The following TXNDC16 variants were observed in gnomAD, a reference collection of about 807,000 sequenced individuals.
The protein encoded by TXNDC16 is thioredoxin domain containing 16, also known as thioredoxin domain-containing protein 16.
Under a neutral mutation model 85.6 loss-of-function variants are expected in TXNDC16, and 74 were observed. That is an observed-to-expected ratio of 0.86 (90% CI 0.72 to 1.05). The LOEUF (loss-of-function observed/expected upper bound fraction) is 1.05. Among genes scored for constraint, TXNDC16 ranks in the 50% least tolerant of loss-of-function variants. The pLI is 0.00. For synonymous variants in TXNDC16, 335 were observed against 326.5 expected (o/e 1.03, Z -0.28); for missense variants, 959 against 947.0 (o/e 1.01, Z -0.17).
chr14:52,449,133 C>A (rs2035349830), intron 18 of TXNDC16, among the ~76,000 whole-genome samples: 1 of 151,284 alleles, frequency 6.6e-6, no homozygotes, highest in African/African-American at 2.4e-5. Flanking sequence ...ACTCTCCAGT[C>A]AAAAGACACA....
chr14:52,434,634 G>A (rs2034985340), intron 20 of TXNDC16, among the ~76,000 whole-genome samples: 2 of 152,202 alleles, frequency 1.3e-5, no homozygotes, highest in Admixed American at 6.5e-5. Flanking sequence ...AGGTGAGGCA[G>A]ACACCAGTGG....
intron 6 of TXNDC16, among the ~76,000 whole-genome samples, chr14:52,529,675 A>ATT (rs2037438349): frequency 1.9e-5 from 2 of 106,758 alleles, no homozygotes; most frequent in African/African-American, 4.2e-5. Flanking sequence ...TATTATATAT[A>ATT]ATATATATAA....
At chr14:52,540,225 T>G (rs1332878236) in intron 4 of TXNDC16, among the ~76,000 whole-genome samples, 1 of 152,246 alleles carries the variant, frequency 6.6e-6, no homozygotes, top group Non-Finnish European at 1.5e-5. Context: ...TCATCCTGCC[T>G]CTTGCTATCT....
chr14:52,447,332 G>A lies in TXNDC16; in HGVS notation c.1843-6608C>T, dbSNP rs139097934. ...GGGTGAGGCTCCTCTATCTGGTCCT[G>A]GAGGAATTCACCATCCTAAAGGGAA... On this transcript the variant is annotated intron_variant, in intron 18 of 20. Transcript: ENST00000281741. Among the ~76,000 whole-genome samples, 844 of 152,248 alleles carry A rather than the reference G, an allele frequency of 5.5e-3. 9 individuals are homozygous for A. Among genetic ancestry groups the A allele is most frequent in the African/African-American group, 0.02 (814 of 41,560 alleles).
chr14:52,461,684 C>G (rs2035656038), intron 16 of TXNDC16, among the ~76,000 whole-genome samples: 1 of 152,168 alleles, frequency 6.6e-6, no homozygotes, highest in Non-Finnish European at 1.5e-5. Flanking sequence ...TCTGACCACT[C>G]CCAGCATGGC....
chr14:52,477,546 C>G (rs935657375), intron 14 of TXNDC16, among the ~76,000 whole-genome samples: 2 of 152,070 alleles, frequency 1.3e-5, no homozygotes, highest in African/African-American at 4.8e-5. Context: ...ACAAAACAAA[C>G]TTTAAAGCAA....
At chr14:52,465,685 G>C (rs562065171) in intron 16 of TXNDC16, among the ~76,000 whole-genome samples, 59 of 151,270 alleles carry the variant, frequency 3.9e-4, no homozygotes, top group African/African-American at 1.4e-3. Context: ...AAATACTATC[G>C]GTCAGAAAAA....
At chr14:52,490,556 G>GA in intron 10 of TXNDC16, 105 bp from the exon 11 acceptor site, 3 of 919,896 alleles carry the variant, frequency 3.3e-6, no homozygotes, top group Non-Finnish European at 4.7e-6. Context: ...TAAAAATTAT[G>GA]AAAAAATATT....
intron 1 of TXNDC16, among the ~76,000 whole-genome samples, chr14:52,547,321 G>T (rs566520612): frequency 6.6e-6 from 1 of 152,124 alleles, no homozygotes; most frequent in Non-Finnish European, 1.5e-5. Context: ...ATGCTGTAGG[G>T]CATGTGCAGA....
intron 9 of TXNDC16, among the ~76,000 whole-genome samples, chr14:52,502,945 C>T (rs778511140): frequency 2.6e-5 from 4 of 152,202 alleles, no homozygotes; most frequent in Non-Finnish European, 5.9e-5. Flanking sequence ...CTTGAGGGCT[C>T]CGAGGGTCCT....
intron 6 of TXNDC16, among the ~76,000 whole-genome samples, chr14:52,523,470 A>G (rs1392447719): frequency 3.3e-5 from 5 of 152,206 alleles, no homozygotes; most frequent in African/African-American, 4.8e-5. Flanking sequence ...AACACAACAA[A>G]AAGGAAAATG....
chr14:52,455,578 GA>G, intron 17 of TXNDC16, 116 bp from the exon 18 acceptor site: 6 of 1,155,368 alleles, frequency 5.2e-6, no homozygotes, highest in African/African-American at 1.6e-5. Context: ...TACTGCTAAG[GA>G]AAAAAATGAA....
At chr14:52,490,536 A>T in intron 10 of TXNDC16, 85 bp from the exon 11 acceptor site, 1 of 1,015,172 alleles carries the variant, frequency 9.9e-7, no homozygotes, top group Non-Finnish European at 1.4e-6. Context: ...ATAGAACTAC[A>T]TTCTTATACT....
chr14:52,431,599 A>T lies in TXNDC16; in HGVS notation c.*705T>A, dbSNP rs1016462083. On this transcript the variant is annotated 3_prime_UTR_variant, in exon 21 of 21. Coordinates refer to ENST00000281741, the MANE Select transcript of TXNDC16 (RefSeq NM_020784.3). The stretch of plus-strand genomic sequence containing the variant: ...AAGGTTACTCAGCCTTGGCACGACT[A>T]CCATTTCGGGCAGGATAATTCTTTG... 5 of 152,174 alleles carry T rather than the reference A, an allele frequency of 3.3e-5. No homozygotes were observed. The highest frequency in any genetic ancestry group is 1.2e-4 in the African/African-American group (5 of 41,444). 9.4% of individuals were successfully genotyped at this position (152,174 alleles called of 1,614,324 possible).
intron 14 of TXNDC16, among the ~76,000 whole-genome samples, chr14:52,473,657 G>A (rs1360871093): frequency 6.6e-6 from 1 of 152,148 alleles, no homozygotes; most frequent in Non-Finnish European, 1.5e-5. Flanking sequence ...GGTGCCTACA[G>A]TATTACATCC....
chr14:52,543,572 G>T lies in TXNDC16; in HGVS notation c.-15C>A, dbSNP rs543025391. The T allele has an allele frequency of 1.9e-6, 3 of 1,611,820 alleles. No homozygotes were observed. The African/African-American group carries it at 4.0e-5, about 22-fold the overall frequency. On this transcript the variant is annotated 5_prime_UTR_variant, in exon 3 of 21. Coordinates refer to ENST00000281741, the MANE Select transcript of TXNDC16 (RefSeq NM_020784.3). ...CCGGAAAACATTATCAGCTGCAGTT[G>T]TATCTGAGCGGATTTTGTCTGTTTT...
intron 12 of TXNDC16, among the ~76,000 whole-genome samples, chr14:52,483,285 TA>T (rs1566552167): frequency 6.6e-6 from 1 of 152,142 alleles, no homozygotes; most frequent in Non-Finnish European, 1.5e-5. Flanking sequence ...GGAAAACTGG[TA>T]AACAAAACAG....
At chr14:52,505,198 A>G (rs1401484369) in intron 9 of TXNDC16, among the ~76,000 whole-genome samples, 1 of 152,206 alleles carries the variant, frequency 6.6e-6, no homozygotes, top group African/African-American at 2.4e-5. Flanking sequence ...CAGGAATTGA[A>G]TTCACTTCTG....
At chr14:52,440,827 G>A in intron 18 of TXNDC16, 103 bp from the exon 19 acceptor site, 1 of 1,086,278 alleles carries the variant, frequency 9.2e-7, no homozygotes, top group Non-Finnish European at 1.3e-6. Context: ...TTTGTAAAAT[G>A]TAATTCAAAC....
Sources: allele counts gnomAD v4.1 joint callset (sites outside exome capture counted in the v4.1 genomes callset), GRCh38; gene constraint gnomAD v4.1.1; transcripts MANE v1.5; gene names NCBI Gene and HGNC (gene_info 2026-07-23, HGNC 2026-07-21).